Variants in SULT1B1 observed in about 807,000 individuals in gnomAD.
The protein encoded by SULT1B1 is sulfotransferase family 1B member 1.
In SULT1B1, 28 loss-of-function variants were observed where a neutral mutation model predicts 34.6. The ratio of observed to expected loss-of-function variants is 0.81; its 90% CI spans 0.60 to 1.11. The LOEUF is 1.11. SULT1B1 is among the 50% of genes least tolerant of loss of function. The pLI, the probability that SULT1B1 is intolerant of heterozygous loss-of-function variation, is 0.00. For synonymous variants in SULT1B1, 147 were observed against 110.2 expected, an observed-to-expected ratio of 1.33 and a Z score of -2.09; for missense variants, 374 against 352.2, an observed-to-expected ratio of 1.06 and a Z score of -0.50.
chr4:69,751,744 G>A lies in SULT1B1; in HGVS notation c.278-1926C>T, dbSNP rs1306884618. ...TGGGATTACAGGCGTGAGCCACCGC[G>A]CCCGGCCTAGAGTAGATTTAAATGC... is the stretch of plus-strand genomic sequence containing the variant. On this transcript the variant is annotated intron_variant, in intron 3 of 7. Transcript: ENST00000310613. 3.3e-5 allele frequency among the ~76,000 whole-genome samples: 5 copies of A among 152,244 alleles called. No homozygotes were observed. In the South Asian group the frequency reaches 6.2e-4, roughly 19 times the overall value.
At chr4:69,738,113 A>G (rs1718387954) in intron 4 of SULT1B1, among the ~76,000 whole-genome samples, 1 of 152,182 alleles carries the variant, frequency 6.6e-6, no homozygotes, top group African/African-American at 2.4e-5. Flanking sequence ...AATATATGGT[A>G]TTTGATTTTC....
intron 1 of SULT1B1, among the ~76,000 whole-genome samples, chr4:69,756,960 GACACACACACACACACACAGAC>G (rs1315418710): frequency 2.0e-5 from 3 of 147,898 alleles, no homozygotes; most frequent in African/African-American, 7.5e-5. Context: ...CACCCTCACA[GACACACACACACACACACAGAC>G]ACACACACAC....
At chr4:69,751,994 A>G (rs1318394809) in intron 3 of SULT1B1, among the ~76,000 whole-genome samples, 2 of 152,220 alleles carry the variant, frequency 1.3e-5, no homozygotes, top group East Asian at 1.9e-4. Context: ...ATAATCCCTC[A>G]GTTCCAAGCT....
rs527591702 is a variant in SULT1B1 at position 69,724,990 on chromosome 4, G to A, written c.*2098C>T. 237 of 152,156 alleles carry A rather than the reference G, an allele frequency of 1.6e-3. 2 individuals carry two copies. Among genetic ancestry groups the A allele is most frequent in the African/African-American group, 5.6e-3 (233 of 41,482 alleles). 9.4% of individuals were successfully genotyped at this position (152,156 alleles called of 1,614,324 possible). On this transcript the variant is annotated 3_prime_UTR_variant, in exon 8 of 8. Transcript: ENST00000310613. ...GGACTTCATGTCTAAAACACCAAAA[G>A]CAATGGCAACAAAAGCCAAAATTGA... is the stretch of plus-strand genomic sequence containing the variant.
intron 5 of SULT1B1, 145 bp from the exon 6 acceptor site, chr4:69,733,652 G>A (rs1438761999): frequency 2.1e-5 from 12 of 570,818 alleles, no homozygotes; most frequent in Non-Finnish European, 3.2e-5. Flanking sequence ...AGTAAAATTA[G>A]CTATTTATGG....
At position 69,726,081 on chromosome 4, in the gene SULT1B1, T is replaced by TATATATAA. The variant is rs1717829233; in HGVS notation, c.*1006_*1007insTTATATAT. 1.9e-5 allele frequency: 2 copies of TATATATAA among 105,518 alleles called. No individual in the cohort carries two copies. The highest frequency in any genetic ancestry group is 2.9e-4 in the East Asian group (1 of 3,506). 6.5% of individuals were successfully genotyped at this position (105,518 alleles called of 1,614,324 possible). On this transcript the variant is annotated 3_prime_UTR_variant, in exon 8 of 8. Transcript: ENST00000310613. Reference sequence around the variant, plus strand: ...ATATATATATATATATATATATATATAAATGTTCCAAGAAAACATAGATCA... The same window carrying TATATATAA: ...ATATATATATATATATATATATATATATATATAAAAATGTTCCAAGAAAACATAGATCA...
Position 69,724,439 on chromosome 4 carries a change from A to T in SULT1B1, c.*2649T>A, listed in dbSNP as rs1717744525. On this transcript the variant is annotated 3_prime_UTR_variant, in exon 8 of 8. Transcript: ENST00000310613. ...AAGAATCAATATCATGAAAATGGCC[A>T]TACTGCCCAAGGTCATTTATAGATT... The T allele has an allele frequency of 1.3e-5, 2 of 152,234 alleles. No homozygotes were observed. Among genetic ancestry groups the T allele is most frequent in the Admixed American group, 6.5e-5 (1 of 15,284 alleles). 9.4% of individuals were successfully genotyped at this position (152,234 alleles called of 1,614,324 possible).
At chr4:69,741,748 C>A (rs1035919360) in intron 4 of SULT1B1, among the ~76,000 whole-genome samples, 1 of 152,134 alleles carries the variant, frequency 6.6e-6, no homozygotes, top group Non-Finnish European at 1.5e-5. Flanking sequence ...TGAAAGTTTG[C>A]TGAAGTTGCT....
chr4:69,755,913 T>C (rs1236598471), intron 1 of SULT1B1, among the ~76,000 whole-genome samples: 4 of 152,154 alleles, frequency 2.6e-5, no homozygotes, highest in Admixed American at 2.6e-4. Flanking sequence ...TATAATTACA[T>C]GTATATTAGG....
In SULT1B1 at chr4:69,724,887, C is replaced by G. The variant is rs1454927450; in HGVS notation, c.*2201G>C. 6.6e-6 allele frequency: 1 copy of G among 152,116 alleles called. No individual in the cohort carries two copies. The highest frequency in any genetic ancestry group is 1.5e-5 in the Non-Finnish European group (1 of 68,028). The allele number at this position is 152,116 out of a possible 1,614,324, so 9.4% of individuals were successfully genotyped here. ...AAATTAATTCAAGATGGATTAAAGA[C>G]TTAAATGTAAGACCTAAAACCATAA... is the stretch of plus-strand genomic sequence containing the variant. On this transcript the variant is annotated 3_prime_UTR_variant, in exon 8 of 8. Transcript: ENST00000310613.
rs72849859 is a variant in SULT1B1 at position 69,745,520 on chromosome 4, C to G, written c.375+4201G>C. 3.9e-3 allele frequency among the ~76,000 whole-genome samples: 597 copies of G among 152,208 alleles called. 6 individuals carry two copies. The highest frequency in any genetic ancestry group is 0.014 in the African/African-American group (567 of 41,512). ...CTTTTGTCTGAAAAAAATAGCAACT[C>G]CTGCTTTGTTGTTGTTGTTGTTCTC... On this transcript the variant is annotated intron_variant, in intron 4 of 7. Transcript: ENST00000310613.
At chr4:69,751,186 G>A (rs1718966307) in intron 3 of SULT1B1, among the ~76,000 whole-genome samples, 1 of 152,086 alleles carries the variant, frequency 6.6e-6, no homozygotes, top group Non-Finnish European at 1.5e-5. Flanking sequence ...ACTTTACCCA[G>A]CATATAAAAA....
intron 4 of SULT1B1, among the ~76,000 whole-genome samples, chr4:69,743,484 A>AC (rs1409621726): frequency 2.0e-5 from 3 of 152,140 alleles, no homozygotes; most frequent in Admixed American, 6.5e-5. Context: ...GGTCCACAGG[A>AC]CCAGCAGCCC....
At position 69,755,874 on chromosome 4, in the gene SULT1B1, T is replaced by C. The variant is rs141323454; in HGVS notation, c.-44-613A>G. Among the ~76,000 whole-genome samples the C allele has an allele frequency of 1.8e-3, 273 of 152,272 alleles. 2 individuals are homozygous for C. Among genetic ancestry groups the C allele is most frequent in the African/African-American group, 6.4e-3 (267 of 41,560 alleles). On this transcript the variant is annotated intron_variant, in intron 1 of 7. Transcript: ENST00000310613. ...TTTTCAGCCATTATTTCTTCAAATA[T>C]TTTTTCCATCTCTCTCTCCTTCTGA...
chr4:69,754,929 C>A, intron 2 of SULT1B1, 131 bp from the exon 3 acceptor site: 2 of 1,256,778 alleles, frequency 1.6e-6, no homozygotes, highest in South Asian at 1.5e-5. Flanking sequence ...GCACCAAATG[C>A]CAATTTTAAT....
chr4:69,733,152 T>C (rs1718150262), intron 6 of SULT1B1, among the ~76,000 whole-genome samples: 1 of 152,152 alleles, frequency 6.6e-6, no homozygotes. Flanking sequence ...TGTGATATCC[T>C]GGTAAATATA....
intron 4 of SULT1B1, among the ~76,000 whole-genome samples, chr4:69,744,199 T>C (rs1375346341): frequency 6.6e-6 from 1 of 151,986 alleles, no homozygotes; most frequent in East Asian, 1.9e-4. Flanking sequence ...CTCATTGCGG[T>C]AGCAGGGTGA....
At chr4:69,752,329 A>C (rs1373069483) in intron 3 of SULT1B1, among the ~76,000 whole-genome samples, 1 of 152,154 alleles carries the variant, frequency 6.6e-6, no homozygotes, top group Non-Finnish European at 1.5e-5. Context: ...GTAGTTTTGG[A>C]ACATTTAAAA....
chr4:69,745,081 T>C (rs1005567199), intron 4 of SULT1B1, among the ~76,000 whole-genome samples: 1 of 152,254 alleles, frequency 6.6e-6, no homozygotes, highest in South Asian at 2.1e-4. Context: ...TATTATGCTG[T>C]GGCCCGAGAG....
Sources: gnomAD v4.1 joint callset for allele counts (sites outside exome capture counted in the v4.1 genomes callset) on GRCh38, gnomAD v4.1.1 for gene constraint, MANE v1.5 for transcripts, NCBI Gene and HGNC (gene_info 2026-07-23, HGNC 2026-07-21) for gene names.